ADAMTSL1: variants seen among roughly 807,000 people sequenced by gnomAD.
ADAMTSL1 encodes the protein ADAMTS-like protein 1.
A neutral mutation model predicts 201.8 loss-of-function variants in ADAMTSL1; 126 were observed. The observed-to-expected ratio is 0.62, with a 90% CI of 0.54 to 0.72. The LOEUF (loss-of-function observed/expected upper bound fraction) is 0.72, where lower values mean the gene tolerates loss of function less well. Among genes scored for constraint, ADAMTSL1 ranks in the 30% least tolerant of loss-of-function variants. The pLI is 0.00. For synonymous variants in ADAMTSL1, 1,121 were observed against 903.4 expected, an observed-to-expected ratio of 1.24 and a Z score of -4.32; for missense variants, 2,679 against 2,277.8, an observed-to-expected ratio of 1.18 and a Z score of -3.59.
intron 1 of ADAMTSL1, among the ~76,000 whole-genome samples, chr9:18,106,493 G>A (rs932955260): frequency 6.6e-6 from 1 of 152,154 alleles, no homozygotes; most frequent in Non-Finnish European, 1.5e-5. Context: ...CATTTATTGT[G>A]TTAAGGAAAA....
chr9:18,295,638 G>A (rs558063639), intron 2 of ADAMTSL1, among the ~76,000 whole-genome samples: 12 of 152,224 alleles, frequency 7.9e-5, no homozygotes, highest in African/African-American at 2.9e-4. Context: ...GTGCCCGGCT[G>A]CAACTGTTAT....
chr9:18,187,139 G>A (rs1440151465), intron 2 of ADAMTSL1, among the ~76,000 whole-genome samples: 1 of 152,112 alleles, frequency 6.6e-6, no homozygotes, highest in Non-Finnish European at 1.5e-5. Context: ...GAGTGATGCA[G>A]CCCCTCAGTC....
intron 12 of ADAMTSL1, among the ~76,000 whole-genome samples, chr9:18,683,599 T>G (rs1216472128): frequency 6.6e-6 from 1 of 152,256 alleles, no homozygotes; most frequent in African/African-American, 2.4e-5. Flanking sequence ...GTTGCTGTGT[T>G]TAAAATGTTA....
intron 7 of ADAMTSL1, among the ~76,000 whole-genome samples, chr9:18,642,086 G>T (rs896109166): frequency 6.6e-6 from 1 of 151,948 alleles, no homozygotes; most frequent in African/African-American, 2.4e-5. Context: ...ATGAAGTCAG[G>T]TGATTCAGAA....
intron 2 of ADAMTSL1, among the ~76,000 whole-genome samples, chr9:18,236,157 G>A (rs997702111): frequency 3.9e-5 from 6 of 152,050 alleles, no homozygotes; most frequent in African/African-American, 7.2e-5. Context: ...TGCAACCTCC[G>A]CCTCCCAGGT....
chr9:18,011,062 C>G (rs1339012844), intron 1 of ADAMTSL1, among the ~76,000 whole-genome samples: 1 of 151,870 alleles, frequency 6.6e-6, no homozygotes, highest in Non-Finnish European at 1.5e-5. Context: ...TCTTATATAT[C>G]TTATAAATGA....
At chr9:18,128,431 TGGCTCACTGCAGCCTCGACTTCCCA>T (rs1339353319) in intron 1 of ADAMTSL1, among the ~76,000 whole-genome samples, 2 of 152,144 alleles carry the variant, frequency 1.3e-5, no homozygotes, top group African/African-American at 4.8e-5. Flanking sequence ...GGTGCAATCA[TGGCTCACTGCAGCCTCGACTTCCCA>T]GGCTCAAGTG....
intron 23 of ADAMTSL1, among the ~76,000 whole-genome samples, chr9:18,838,490 G>C (rs1241594945): frequency 6.6e-6 from 1 of 151,516 alleles, no homozygotes; most frequent in Non-Finnish European, 1.5e-5. Context: ...CTCAGAATTA[G>C]ATAGCCTCAG....
At chr9:18,768,343 G>A (rs1027295224) in intron 16 of ADAMTSL1, among the ~76,000 whole-genome samples, 6 of 152,064 alleles carry the variant, frequency 3.9e-5, no homozygotes, top group Admixed American at 2.0e-4. Context: ...CTCCAGCTGC[G>A]TCCAGAGCAT....
At chr9:18,194,165 C>G (rs1480430697) in intron 2 of ADAMTSL1, among the ~76,000 whole-genome samples, 3 of 152,198 alleles carry the variant, frequency 2.0e-5, no homozygotes, top group Admixed American at 1.3e-4. Context: ...TTTGTTTGAA[C>G]TCAGTGCTAA....
chr9:18,154,744 C>T (rs1232018260), intron 1 of ADAMTSL1, among the ~76,000 whole-genome samples: 7 of 151,958 alleles, frequency 4.6e-5, no homozygotes, highest in Non-Finnish European at 1.0e-4. Flanking sequence ...GAACTAGCTG[C>T]CATTTGTGTG....
intron 21 of ADAMTSL1, among the ~76,000 whole-genome samples, chr9:18,822,197 T>C (rs1824253456): frequency 6.6e-6 from 1 of 152,158 alleles, no homozygotes; most frequent in African/African-American, 2.4e-5. Flanking sequence ...GTAGAGCATA[T>C]TTTCTGTCAT....
chr9:18,496,251 A>G (rs889612824), intron 1 of ADAMTSL1, among the ~76,000 whole-genome samples: 1 of 152,256 alleles, frequency 6.6e-6, no homozygotes, highest in Non-Finnish European at 1.5e-5. Context: ...CTAAGAGCTT[A>G]TCATTCCACT....
chr9:18,135,850 C>G (rs567973803), intron 1 of ADAMTSL1, among the ~76,000 whole-genome samples: 1 of 152,154 alleles, frequency 6.6e-6, no homozygotes, highest in Non-Finnish European at 1.5e-5. Context: ...ACAGCTTACA[C>G]TGATGCAGTG....
chr9:18,128,240 T>G (rs1340289713), intron 1 of ADAMTSL1, among the ~76,000 whole-genome samples: 1 of 152,200 alleles, frequency 6.6e-6, no homozygotes, highest in Non-Finnish European at 1.5e-5. Context: ...AAAATTGCAT[T>G]TTATTTCCTC....
At chr9:18,529,189 A>G (rs1168716652) in intron 2 of ADAMTSL1, among the ~76,000 whole-genome samples, 2 of 152,188 alleles carry the variant, frequency 1.3e-5, no homozygotes, top group African/African-American at 4.8e-5. Context: ...GTTCTTTCAC[A>G]TTGCATTTTA....
At chr9:18,203,244 G>A (rs1170074605) in intron 2 of ADAMTSL1, among the ~76,000 whole-genome samples, 2 of 152,048 alleles carry the variant, frequency 1.3e-5, no homozygotes, top group African/African-American at 4.8e-5. Context: ...GCCTCTAATA[G>A]GATGCTGAGA....
intron 1 of ADAMTSL1, among the ~76,000 whole-genome samples, chr9:18,012,491 C>T (rs969500481): frequency 6.6e-6 from 1 of 152,028 alleles, no homozygotes; most frequent in Admixed American, 6.5e-5. Flanking sequence ...GGCTACTTGC[C>T]TCCACCCATT....
At chr9:17,948,699 G>A (rs1041646905) in intron 1 of ADAMTSL1, among the ~76,000 whole-genome samples, 5 of 152,164 alleles carry the variant, frequency 3.3e-5, no homozygotes, top group African/African-American at 1.2e-4. Context: ...GTACAAAGTG[G>A]CTTATTGTGA....
Sources: allele counts gnomAD v4.1 joint callset (sites outside exome capture counted in the v4.1 genomes callset), GRCh38; gene constraint gnomAD v4.1.1; transcripts MANE v1.5; gene names NCBI Gene and HGNC (gene_info 2026-07-23, HGNC 2026-07-21).